Variants in OR2L13 observed in about 807,000 individuals in gnomAD.
OR2L13 encodes the protein olfactory receptor family 2 subfamily L member 13, also known as olfactory receptor 2L13.
Under a neutral mutation model 15.3 loss-of-function variants are expected in OR2L13, and 14 were observed. The observed-to-expected ratio is 0.91, with a 90% CI of 0.60 to 1.43. The LOEUF (loss-of-function observed/expected upper bound fraction) is 1.43, where lower values mean the gene tolerates loss of function less well. Ranked by LOEUF, OR2L13 falls within the 40% of genes most tolerant of loss-of-function variation. The pLI is 0.00. For synonymous variants in OR2L13, 152 were observed against 142.9 expected (o/e 1.06, Z -0.45); for missense variants, 367 against 387.9 (o/e 0.95, Z 0.45).
the OR2L13 span, among the ~76,000 whole-genome samples, chr1:248,020,830 T>C: frequency 1.3e-4 from 19 of 151,656 alleles, no homozygotes; most frequent in Non-Finnish European, 2.8e-4. Context: ...ATACTTTAAC[T>C]TTTAGGGTAC....
the OR2L13 span, among the ~76,000 whole-genome samples, chr1:248,073,882 G>T: frequency 9.5e-4 from 144 of 151,844 alleles, no homozygotes; most frequent in African/African-American, 3.4e-3. Flanking sequence ...ACTCTATAAA[G>T]CTCTAAAAAA....
chr1:248,004,146 A>G, the OR2L13 span: 1 of 1,241,148 alleles, frequency 8.1e-7, no homozygotes, highest in Non-Finnish European at 1.1e-6. Flanking sequence ...ATATCATTTC[A>G]TTCCTAGAGT....
At chr1:247,937,338 C>G in the OR2L13 span, 1 of 154,470 alleles carries the variant, frequency 6.5e-6, no homozygotes, top group African/African-American at 2.4e-5. Flanking sequence ...GCTCTACACA[C>G]TGGTGTCTCC....
chr1:248,004,262 A>T, the OR2L13 span, among the ~76,000 whole-genome samples: 1 of 152,220 alleles, frequency 6.6e-6, no homozygotes, highest in East Asian at 1.9e-4. Flanking sequence ...TCTTCATGGC[A>T]TTTATCCCAT....
At chr1:248,011,592 A>C in the OR2L13 span, among the ~76,000 whole-genome samples, 3 of 152,110 alleles carry the variant, frequency 2.0e-5, no homozygotes, top group Non-Finnish European at 4.4e-5. Flanking sequence ...ATACCAATCA[A>C]ATGTAGGTTT....
At chr1:248,089,851 T>C in the OR2L13 span, among the ~76,000 whole-genome samples, 2 of 152,288 alleles carry the variant, frequency 1.3e-5, no homozygotes, top group South Asian at 2.1e-4. Flanking sequence ...TAACATTGTT[T>C]TCTGCTGACT....
At chr1:247,940,731 C>CTT in the OR2L13 span, among the ~76,000 whole-genome samples, 1 of 147,076 alleles carries the variant, frequency 6.8e-6, no homozygotes, top group African/African-American at 2.5e-5. Flanking sequence ...TGCATACGTG[C>CTT]GTGTGTGTGT....
chr1:247,990,542 C>T, the OR2L13 span: 4 of 1,566,972 alleles, frequency 2.6e-6, no homozygotes, highest in South Asian at 1.1e-5. Context: ...AAGTCTATCT[C>T]CTTCACTGGG....
chr1:247,977,461 T>G, the OR2L13 span, among the ~76,000 whole-genome samples: 1 of 152,218 alleles, frequency 6.6e-6, no homozygotes, highest in South Asian at 2.1e-4. Flanking sequence ...ATGGGAATGA[T>G]TCCTGTAGAT....
the OR2L13 span, among the ~76,000 whole-genome samples, chr1:247,942,655 T>G: frequency 6.6e-6 from 1 of 152,108 alleles, no homozygotes; most frequent in East Asian, 1.9e-4. Context: ...CTGCCAAAAT[T>G]TTTAAAAAAT....
chr1:248,067,870 C>T, the OR2L13 span, among the ~76,000 whole-genome samples: 257 of 152,350 alleles, frequency 1.7e-3, 2 homozygotes, highest in East Asian at 6.2e-3. Context: ...GAGGGTCCCA[C>T]GCCCACAGAG....
At chr1:248,033,741 C>T in the OR2L13 span, among the ~76,000 whole-genome samples, 1 of 151,824 alleles carries the variant, frequency 6.6e-6, no homozygotes, top group Non-Finnish European at 1.5e-5. Context: ...TGGCACCTGT[C>T]CTCTCTTTTC....
chr1:247,959,928 T>A, the OR2L13 span, among the ~76,000 whole-genome samples: 1 of 73,334 alleles, frequency 1.4e-5, no homozygotes, highest in Admixed American at 2.1e-4. Context: ...ATCTGAAGCC[T>A]TCTTCTCTCA....
At chr1:248,093,739 CTT>C (rs1345936906), upstream of OR2L13, among the ~76,000 whole-genome samples, 1 of 151,936 alleles carries the variant, frequency 6.6e-6, no homozygotes, top group Non-Finnish European at 1.5e-5. Context: ...GGAATTCACT[CTT>C]ATTTTTTTTT....
the OR2L13 span, chr1:247,991,316 T>G: frequency 2.9e-6 from 2 of 679,092 alleles, no homozygotes; most frequent in Non-Finnish European, 4.8e-6. Flanking sequence ...GAAATTAATC[T>G]AAAAGATTTG....
chr1:247,976,249 A>G, the OR2L13 span, among the ~76,000 whole-genome samples: 1 of 152,184 alleles, frequency 6.6e-6, no homozygotes, highest in South Asian at 2.1e-4. Context: ...CCCCAGTCAC[A>G]TCACAACACA....
the OR2L13 span, chr1:248,038,785 T>C: frequency 4.3e-6 from 7 of 1,614,148 alleles, no homozygotes; most frequent in South Asian, 7.7e-5. Flanking sequence ...TCCAGAGCCA[T>C]CAATCATTTT....
At chr1:248,071,057 A>C in the OR2L13 span, among the ~76,000 whole-genome samples, 1 of 152,068 alleles carries the variant, frequency 6.6e-6, no homozygotes, top group African/African-American at 2.4e-5. Flanking sequence ...ACAAGGAGGA[A>C]CTGGTACCAT....
the OR2L13 span, among the ~76,000 whole-genome samples, chr1:247,940,452 A>C: frequency 6.6e-6 from 1 of 152,168 alleles, no homozygotes; most frequent in African/African-American, 2.4e-5. Context: ...AAATATCATA[A>C]AGTATTTAAC....
Sources: gnomAD v4.1 joint callset for allele counts (sites outside exome capture counted in the v4.1 genomes callset) on GRCh38, gnomAD v4.1.1 for gene constraint, MANE v1.5 for transcripts, NCBI Gene and HGNC (gene_info 2026-07-23, HGNC 2026-07-21) for gene names.